ADCY8: variants seen among roughly 807,000 people sequenced by gnomAD.
ADCY8 encodes adenylate cyclase type 8.
A neutral mutation model predicts 119.7 loss-of-function variants in ADCY8; 51 were observed. The ratio of observed to expected loss-of-function variants is 0.43; its 90% CI spans 0.34 to 0.54. The LOEUF (loss-of-function observed/expected upper bound fraction) is 0.54. ADCY8 is among the 20% of genes least tolerant of loss of function. The pLI, the probability that ADCY8 is intolerant of heterozygous loss-of-function variation, is 0.03. For synonymous variants in ADCY8, 665 were observed against 651.0 expected (o/e 1.02, Z -0.33); for missense variants, 1,383 against 1,598.8 (o/e 0.87, Z 2.30).
chr8:131,034,114 C>T (rs1312549132), intron 1 of ADCY8, among the ~76,000 whole-genome samples: 1 of 151,978 alleles, frequency 6.6e-6, no homozygotes, highest in East Asian at 1.9e-4. Flanking sequence ...ATATTTATGT[C>T]TCTCAAATGA....
intron 2 of ADCY8, among the ~76,000 whole-genome samples, chr8:130,980,574 G>A (rs985018940): frequency 5.3e-5 from 8 of 152,204 alleles, no homozygotes; most frequent in South Asian, 2.1e-4. Context: ...TGGAGAGGAC[G>A]GGTAGTGTGA....
At chr8:130,849,496 G>A in intron 10 of ADCY8, 106 bp downstream of exon 10, 4 of 1,174,110 alleles carry the variant, frequency 3.4e-6, no homozygotes, top group Non-Finnish European at 3.7e-6. Context: ...GGCACATAAA[G>A]GTAACTGGTA....
chr8:130,896,242 G>T (rs191652584), intron 7 of ADCY8, among the ~76,000 whole-genome samples: 2 of 152,224 alleles, frequency 1.3e-5, no homozygotes, highest in African/African-American at 4.8e-5. Context: ...GCTCCGGAGT[G>T]CTTGCCCCAC....
chr8:130,904,209 T>C (rs1046600277), intron 6 of ADCY8, among the ~76,000 whole-genome samples, 167 bp from the exon 7 acceptor site: 25 of 152,084 alleles, frequency 1.6e-4, no homozygotes, highest in Non-Finnish European at 1.5e-4. Flanking sequence ...TAAAAGAAAA[T>C]AGAAGCATAA....
chr8:130,903,604 G>A (rs956728798), intron 7 of ADCY8, among the ~76,000 whole-genome samples, 168 bp downstream of exon 7: 2 of 151,328 alleles, frequency 1.3e-5, no homozygotes, highest in Non-Finnish European at 1.5e-5. Context: ...AATTGCATAC[G>A]AGGTTAATTC....
At chr8:130,990,365 T>C in intron 2 of ADCY8, 28 bp downstream of exon 2, 1 of 1,611,572 alleles carries the variant, frequency 6.2e-7, no homozygotes, top group Non-Finnish European at 8.5e-7. Context: ...AGGTGATAAC[T>C]AAAACACACA....
chr8:130,928,692 T>C (rs2130603575), intron 5 of ADCY8, among the ~76,000 whole-genome samples: 1 of 152,330 alleles, frequency 6.6e-6, no homozygotes, highest in South Asian at 2.1e-4. Context: ...TTGCATATTT[T>C]TCTTTATCAG....
At chr8:130,803,065 G>A (rs989627492) in intron 14 of ADCY8, among the ~76,000 whole-genome samples, 1 of 152,158 alleles carries the variant, frequency 6.6e-6, no homozygotes, top group East Asian at 1.9e-4. Flanking sequence ...TGGGACCACC[G>A]CTGAGTAAAT....
chr8:130,806,359 A>G (rs998238808), intron 14 of ADCY8, among the ~76,000 whole-genome samples: 2 of 152,152 alleles, frequency 1.3e-5, no homozygotes, highest in African/African-American at 2.4e-5. Flanking sequence ...GCTTCCCACA[A>G]TTGCTGAGCA....
In ADCY8 at chr8:130,951,883, C is replaced by T. The variant is rs756790618; in HGVS notation, c.1226G>A (p.Arg409His). 17 of 1,613,984 alleles carry T rather than the reference C, an allele frequency of 1.1e-5. No individual in the cohort carries two copies. Among genetic ancestry groups the T allele is most frequent in the East Asian group, 2.2e-5 (1 of 44,868 alleles). ...TGTTTCTCACCTGACGTTCTCATAG[C>T]GATGGATGTAGATCCGATGGAACTG... The part of the protein sequence containing the change: ...QHQFHRIYIH[R>H]YENVSILFAD... Residue 409 changes from arginine (R) to histidine (H), a missense_variant, in exon 3 of 18, where the codon CGC becomes CAC. By Grantham distance (29) the Arg-to-His change is conservative. Coordinates refer to ENST00000286355, the MANE Select transcript of ADCY8 (RefSeq NM_001115.3).
At chr8:130,993,633 G>A (rs1463030900) in intron 1 of ADCY8, among the ~76,000 whole-genome samples, 1 of 152,098 alleles carries the variant, frequency 6.6e-6, no homozygotes, top group Non-Finnish European at 1.5e-5. Context: ...GGTATCTGAT[G>A]GTTTTATGAG....
At chr8:130,987,126 A>G (rs1172180649) in intron 2 of ADCY8, among the ~76,000 whole-genome samples, 3 of 152,208 alleles carry the variant, frequency 2.0e-5, no homozygotes, top group African/African-American at 7.2e-5. Context: ...GGGAATTCTC[A>G]TAAATCCTTC....
At chr8:131,003,206 T>TCTCTCACACACA (rs372048150) in intron 1 of ADCY8, among the ~76,000 whole-genome samples, 10 of 137,488 alleles carry the variant, frequency 7.3e-5, no homozygotes, top group Non-Finnish European at 1.3e-4. Flanking sequence ...TGAAACACCA[T>TCTCTCACACACA]CACACACACA....
intron 8 of ADCY8, among the ~76,000 whole-genome samples, chr8:130,882,689 A>T (rs991904970): frequency 6.6e-6 from 1 of 152,186 alleles, no homozygotes; most frequent in East Asian, 1.9e-4. Context: ...TCATAATAAC[A>T]TCTACTTTTT....
intron 5 of ADCY8, among the ~76,000 whole-genome samples, chr8:130,914,798 C>A (rs1346532854): frequency 6.6e-6 from 1 of 152,212 alleles, no homozygotes; most frequent in African/African-American, 2.4e-5. Flanking sequence ...ATGACATCTG[C>A]ATCTTCTCTT....
chr8:130,984,350 C>T (rs1822332360), intron 2 of ADCY8, among the ~76,000 whole-genome samples: 2 of 152,224 alleles, frequency 1.3e-5, no homozygotes. Context: ...ATGAATACTG[C>T]TCTCTGGAAA....
At chr8:130,909,373 T>C (rs1384126001) in intron 6 of ADCY8, among the ~76,000 whole-genome samples, 1 of 152,240 alleles carries the variant, frequency 6.6e-6, no homozygotes, top group African/African-American at 2.4e-5. Flanking sequence ...AAATAGATTC[T>C]GCACAGATTC....
intron 5 of ADCY8, among the ~76,000 whole-genome samples, chr8:130,926,973 T>G (rs1377549897): frequency 7.0e-6 from 1 of 143,238 alleles, no homozygotes; most frequent in Non-Finnish European, 1.5e-5. Flanking sequence ...ACACACCACA[T>G]TTTTCTTTAT....
At chr8:130,846,570 T>TCCTC in intron 11 of ADCY8, among the ~76,000 whole-genome samples, 1 of 119,454 alleles carries the variant, frequency 8.4e-6, no homozygotes, top group African/African-American at 3.6e-5. Context: ...CTTCCTTCCT[T>TCCTC]CCCCTTCTTC....
Sources: gnomAD v4.1 joint callset for allele counts (sites outside exome capture counted in the v4.1 genomes callset) on GRCh38, gnomAD v4.1.1 for gene constraint, MANE v1.5 for transcripts, NCBI Gene and HGNC (gene_info 2026-07-23, HGNC 2026-07-21) for gene names.